Variants in GPC6 observed in about 807,000 individuals in gnomAD.
GPC6 encodes glypican-6.
A neutral mutation model predicts 55.2 loss-of-function variants in GPC6; 14 were observed. The observed-to-expected ratio is 0.25, with a 90% confidence interval of 0.17 to 0.40. The LOEUF (loss-of-function observed/expected upper bound fraction) is 0.40. GPC6 is among the 10% of genes least tolerant of loss of function. The pLI is 1.00. For synonymous variants in GPC6, 278 were observed against 259.6 expected, an observed-to-expected ratio of 1.07 and a Z score of -0.68; for missense variants, 641 against 708.5, an observed-to-expected ratio of 0.90 and a Z score of 1.08.
In GPC6 at chr13:94,327,335, T is replaced by G. The variant is rs1415160784; in HGVS notation, c.1152+21212T>G. 2.6e-5 allele frequency among the ~76,000 whole-genome samples: 4 copies of G among 152,166 alleles called. No homozygotes were observed. The East Asian group carries it at 7.7e-4, about 29-fold the overall frequency. ...GATGATTAATTACAGAGCATCTCATTGCAGATGTTTTTCTCTTCTCCCTTT... is the reference window on the plus strand; with the variant it reads ...GATGATTAATTACAGAGCATCTCATGGCAGATGTTTTTCTCTTCTCCCTTT... On this transcript the variant is annotated intron_variant, in intron 6 of 8. Coordinates refer to ENST00000377047, the MANE Select transcript of GPC6 (RefSeq NM_005708.5).
At chr13:93,598,116 C>T (rs1045365073) in intron 2 of GPC6, among the ~76,000 whole-genome samples, 2 of 152,072 alleles carry the variant, frequency 1.3e-5, no homozygotes, top group African/African-American at 4.8e-5. Context: ...TGCACTCCAG[C>T]CTGGCAACAG....
rs1887432058 is a variant in GPC6 at position 93,830,273 on chromosome 13, A to G, written c.439A>G (p.Lys147Glu). The G allele has an allele frequency of 1.2e-6, 2 of 1,613,436 alleles. No homozygotes were observed. Among genetic ancestry groups the G allele is most frequent in the Non-Finnish European group, 1.7e-6 (2 of 1,179,610 alleles). ...EVFQDLFTEL[K>E]RYYTGGNVNL... ...CTTCCAGGACCTCTTCACAGAGCTGAAAAGGTACTACACTGGGGGTAATGT... is the reference window on the plus strand; with the variant it reads ...CTTCCAGGACCTCTTCACAGAGCTGGAAAGGTACTACACTGGGGGTAATGT... Residue 147 changes from lysine to glutamate, a missense_variant, in exon 3 of 9, where the codon AAA (lysine) becomes GAA (glutamate). Transcript: ENST00000377047.
chr13:94,030,465 A>T (rs1368022047), intron 4 of GPC6, among the ~76,000 whole-genome samples: 1 of 152,214 alleles, frequency 6.6e-6, no homozygotes, highest in Non-Finnish European at 1.5e-5. Context: ...GTGAAGTGTT[A>T]GTTCACAAAT....
chr13:94,076,286 T>A (rs73544083), intron 4 of GPC6, among the ~76,000 whole-genome samples: 1 of 152,068 alleles, frequency 6.6e-6, no homozygotes, highest in Non-Finnish European at 1.5e-5. Flanking sequence ...TCCATTAATG[T>A]CCTTTGCCCA....
intron 1 of GPC6, among the ~76,000 whole-genome samples, chr13:93,264,288 T>C (rs769460434): frequency 4.6e-5 from 7 of 152,212 alleles, no homozygotes; most frequent in Non-Finnish European, 8.8e-5. Context: ...TCGGTATCCA[T>C]AGGGAATTGG....
intron 2 of GPC6, among the ~76,000 whole-genome samples, chr13:93,546,228 C>T (rs948971982): frequency 6.6e-6 from 1 of 152,192 alleles, no homozygotes. Flanking sequence ...CTTCTTTTGG[C>T]TCCGTTGGTC....
At chr13:94,355,106 C>T (rs1245140411) in intron 6 of GPC6, among the ~76,000 whole-genome samples, 2 of 151,850 alleles carry the variant, frequency 1.3e-5, no homozygotes, top group African/African-American at 4.8e-5. Context: ...TCACTCCAAC[C>T]TCTGCCTCCC....
chr13:94,097,688 A>G (rs1322118701), intron 4 of GPC6, among the ~76,000 whole-genome samples: 1 of 152,164 alleles, frequency 6.6e-6, no homozygotes, highest in Non-Finnish European at 1.5e-5. Flanking sequence ...TTTGTATCAC[A>G]TTAAAGAGAA....
rs77827861 is a variant in GPC6 at position 93,691,804 on chromosome 13, G to A, written c.320-138350G>A. Among the ~76,000 whole-genome samples, 470 of 152,080 alleles carry A rather than the reference G, an allele frequency of 3.1e-3. 1 individual carries two copies. Among genetic ancestry groups the A allele is most frequent in the African/African-American group, 0.01 (420 of 41,534 alleles). On this transcript the variant is annotated intron_variant, in intron 2 of 8. Transcript: ENST00000377047. Reference sequence around the variant, plus strand: ...AACTTTAAAAAGGATCTTATATGCCGTGATATATTGTTAAATTTAACTTGT... The same window carrying A: ...AACTTTAAAAAGGATCTTATATGCCATGATATATTGTTAAATTTAACTTGT...
intron 2 of GPC6, among the ~76,000 whole-genome samples, chr13:93,637,822 G>C (rs1879760390): frequency 6.6e-6 from 1 of 152,046 alleles, no homozygotes; most frequent in African/African-American, 2.4e-5. Context: ...GGTTGATTAT[G>C]ATGGAAGGAC....
At chr13:94,302,843 C>G (rs1875727445) in intron 5 of GPC6, among the ~76,000 whole-genome samples, 1 of 152,154 alleles carries the variant, frequency 6.6e-6, no homozygotes, top group Non-Finnish European at 1.5e-5. Flanking sequence ...GAATCTTGGG[C>G]CATGGGGTGA....
intron 5 of GPC6, 68 bp downstream of exon 5, chr13:94,286,547 G>C: frequency 7.2e-7 from 1 of 1,387,690 alleles, no homozygotes; most frequent in Non-Finnish European, 1.0e-6. Context: ...TAAAAACGAA[G>C]TAACTAGATA....
rs567915737 is a variant in GPC6 at position 94,277,605 on chromosome 13, G to T, written c.878-8744G>T. 3.9e-5 allele frequency among the ~76,000 whole-genome samples: 6 copies of T among 152,234 alleles called. No individual in the cohort carries two copies. In the South Asian group the frequency reaches 8.3e-4, roughly 21 times the overall value. On this transcript the variant is annotated intron_variant, in intron 4 of 8. Transcript: ENST00000377047. The stretch of plus-strand genomic sequence containing the variant: ...TTTAATCCATCTTGAGTTAATTTTT[G>T]TATAAGGTGTAAGGAAGGGGTCCAG...
intron 1 of GPC6, among the ~76,000 whole-genome samples, chr13:93,479,759 G>A (rs1443508731): frequency 6.6e-6 from 1 of 152,202 alleles, no homozygotes; most frequent in African/African-American, 2.4e-5. Context: ...CGTCAGCAAT[G>A]TTGTGATTTG....
At chr13:93,646,616 C>T (rs1020832527) in intron 2 of GPC6, among the ~76,000 whole-genome samples, 14 of 152,026 alleles carry the variant, frequency 9.2e-5, no homozygotes, top group Non-Finnish European at 1.8e-4. Flanking sequence ...CATTTCAATC[C>T]GGTAGTCCTT....
chr13:93,619,226 A>G (rs1022193341), intron 2 of GPC6, among the ~76,000 whole-genome samples: 2 of 152,190 alleles, frequency 1.3e-5, no homozygotes, highest in African/African-American at 4.8e-5. Context: ...GTGCATAGGT[A>G]GATGAGTTCA....
intron 6 of GPC6, among the ~76,000 whole-genome samples, chr13:94,364,076 C>T (rs983412137): frequency 2.0e-5 from 3 of 152,170 alleles, no homozygotes; most frequent in Non-Finnish European, 1.5e-5. Flanking sequence ...ACACCTGTAG[C>T]TCCTTTGTGG....
rs1378242581 is a variant in GPC6, at chr13:93,993,903, A to G, written c.712-33826A>G. Among the ~76,000 whole-genome samples the G allele has an allele frequency of 3.9e-5, 6 of 152,320 alleles. No homozygotes were observed. The East Asian group carries it at 1.2e-3, about 29-fold the overall frequency. ...AAAGTACAGGAAAACCCCATACTGT[A>G]TGTGGGAATATTTATATTTTCCTGA... On this transcript the variant is annotated intron_variant, in intron 3 of 8. Coordinates refer to ENST00000377047, the MANE Select transcript of GPC6 (RefSeq NM_005708.5).
chr13:93,450,255 T>G (rs932169292), intron 1 of GPC6, among the ~76,000 whole-genome samples: 1 of 152,210 alleles, frequency 6.6e-6, no homozygotes, highest in African/African-American at 2.4e-5. Context: ...ACATAAAAAG[T>G]TAACAATTCC....
Sources: allele counts gnomAD v4.1 joint callset (sites outside exome capture counted in the v4.1 genomes callset), GRCh38; gene constraint gnomAD v4.1.1; transcripts MANE v1.5; gene names NCBI Gene and HGNC (gene_info 2026-07-23, HGNC 2026-07-21).